SHC3: variants seen among roughly 807,000 people sequenced by gnomAD.
SHC3 encodes the protein SHC-transforming protein 3.
Under a neutral mutation model 60.4 loss-of-function variants are expected in SHC3, and 15 were observed. The observed-to-expected ratio is 0.25, with a 90% CI of 0.17 to 0.38. SHC3 has a LOEUF of 0.38. SHC3 is among the 10% of genes least tolerant of loss of function. The probability of loss-of-function intolerance (pLI) is 1.00; values close to 1 mark genes in which losing one functional copy is unlikely to be tolerated. For synonymous variants in SHC3, 294 were observed against 325.9 expected, an observed-to-expected ratio of 0.90 and a Z score of 1.05; for missense variants, 677 against 786.1, an observed-to-expected ratio of 0.86 and a Z score of 1.66.
chr9:89,040,976 T>C (rs1254245942), intron 10 of SHC3, among the ~76,000 whole-genome samples: 1 of 152,256 alleles, frequency 6.6e-6, no homozygotes, highest in African/African-American at 2.4e-5. Flanking sequence ...TCACAAATGA[T>C]AAAGTTAGTT....
intron 7 of SHC3, among the ~76,000 whole-genome samples, chr9:89,048,849 C>T (rs993172658): frequency 6.6e-6 from 1 of 152,126 alleles, no homozygotes; most frequent in African/African-American, 2.4e-5. Flanking sequence ...CCCGTCACCC[C>T]GCTCTCGGAT....
chr9:89,107,920 A>C (rs1825887568), intron 2 of SHC3, among the ~76,000 whole-genome samples: 1 of 152,222 alleles, frequency 6.6e-6, no homozygotes, highest in African/African-American at 2.4e-5. Context: ...AATCAAGTAC[A>C]TGTACCACAT....
intron 6 of SHC3, among the ~76,000 whole-genome samples, chr9:89,064,636 G>T (rs767946612): frequency 9.3e-4 from 141 of 152,072 alleles, no homozygotes; most frequent in Non-Finnish European, 3.5e-4. Context: ...AAGCTCCCCA[G>T]GCAGTGGCGT....
At chr9:89,115,301 T>A (rs867756653) in intron 1 of SHC3, among the ~76,000 whole-genome samples, 5 of 152,272 alleles carry the variant, frequency 3.3e-5, no homozygotes, top group Middle Eastern at 3.4e-3. Flanking sequence ...TCACAGAATA[T>A]TGTGAATACC....
Position 89,089,642 on chromosome 9 carries a change from G to T in SHC3, c.546-11739C>A, listed in dbSNP as rs142221974. The stretch of plus-strand genomic sequence containing the variant: ...AATTAAAGGAAATAAACTCAGAGGA[G>T]GGTCTTAACTCTTCCCAGAATCACA... On this transcript the variant is annotated intron_variant, in intron 2 of 11. Transcript: ENST00000375835. Among the ~76,000 whole-genome samples the T allele has an allele frequency of 7.2e-5, 11 of 152,324 alleles. No individual in the cohort carries two copies. In the South Asian group the frequency reaches 1.5e-3, roughly 20 times the overall value.
At chr9:89,163,871 C>T (rs189291254) in intron 1 of SHC3, among the ~76,000 whole-genome samples, 12 of 151,456 alleles carry the variant, frequency 7.9e-5, no homozygotes, top group African/African-American at 2.7e-4. Context: ...GGTGAGGGCT[C>T]GCTCACTGGT....
chr9:89,050,150 C>T lies in SHC3; in HGVS notation c.962+1887G>A, dbSNP rs369580124. Among the ~76,000 whole-genome samples the T allele has an allele frequency of 9.8e-5, 15 of 152,292 alleles. No individual in the cohort carries two copies. The East Asian group carries it at 2.7e-3, about 27-fold the overall frequency. On this transcript the variant is annotated intron_variant, in intron 7 of 11. Coordinates refer to ENST00000375835, the MANE Select transcript of SHC3 (RefSeq NM_016848.6). ...ATACAGTTCTTTGTGTATATTGGAA[C>T]ATTTTTATTATAAAATGGTGTAGGG...
At chr9:89,159,481 G>T (rs1037437671) in intron 1 of SHC3, among the ~76,000 whole-genome samples, 1 of 152,228 alleles carries the variant, frequency 6.6e-6, no homozygotes, top group African/African-American at 2.4e-5. Context: ...TAAGGAAGGA[G>T]CTCCGTTCTG....
chr9:89,099,284 A>G (rs911320688), intron 2 of SHC3, among the ~76,000 whole-genome samples: 2 of 152,194 alleles, frequency 1.3e-5, no homozygotes, highest in African/African-American at 4.8e-5. Flanking sequence ...ATCAATTTTT[A>G]TTCTATATCA....
At chr9:89,029,641 G>A (rs9285047) in intron 11 of SHC3, among the ~76,000 whole-genome samples, 57,560 of 151,850 alleles carry the variant, frequency 0.38, 12,909 homozygotes, top group East Asian at 0.97. Flanking sequence ...AGTTTGCCCT[G>A]GAAATTTATT....
intron 6 of SHC3, among the ~76,000 whole-genome samples, chr9:89,063,473 G>A (rs868011045): frequency 3.3e-5 from 5 of 152,270 alleles, no homozygotes; most frequent in Middle Eastern, 3.4e-3. Context: ...AGCTTAGCCC[G>A]GCCTTTCAGA....
intron 6 of SHC3, among the ~76,000 whole-genome samples, chr9:89,059,155 TG>T (rs1196729654): frequency 5.8e-5 from 5 of 86,316 alleles, no homozygotes; most frequent in African/African-American, 1.4e-4. Context: ...TGGTGGAGGA[TG>T]GTGGTGGAGG....
chr9:89,042,134 T>C lies in SHC3; in HGVS notation c.1252A>G (p.Thr418Ala), dbSNP rs773476747. 6.4e-7 allele frequency: 1 copy of C among 1,567,636 alleles called. No individual in the cohort carries two copies. Among genetic ancestry groups the C allele is most frequent in the East Asian group, 2.3e-5 (1 of 43,532 alleles). ...TTGACGTAGGTGGGTGCTTCTCCCGTGGGGGCCACGTGCAGTTTCCCTTCT... is the reference window on the plus strand; with the variant it reads ...TTGACGTAGGTGGGTGCTTCTCCCGCGGGGGCCACGTGCAGTTTCCCTTCT... The part of the protein sequence containing the change: ...TPEGKLHVAP[T>A]GEAPTYVNTQ... Residue 418 changes from threonine (T) to alanine (A), a missense_variant, in exon 10 of 12, where the codon ACG (threonine) becomes GCG (alanine). By Grantham distance (58) the Thr-to-Ala change is moderately conservative. Coordinates refer to ENST00000375835, the MANE Select transcript of SHC3 (RefSeq NM_016848.6).
intron 1 of SHC3, among the ~76,000 whole-genome samples, chr9:89,159,282 C>G (rs964057732): frequency 6.6e-6 from 1 of 152,228 alleles, no homozygotes; most frequent in Non-Finnish European, 1.5e-5. Context: ...GTGGCCAACA[C>G]AGTAACTCAA....
At chr9:89,132,018 T>G (rs1826253660) in intron 1 of SHC3, among the ~76,000 whole-genome samples, 1 of 152,190 alleles carries the variant, frequency 6.6e-6, no homozygotes, top group African/African-American at 2.4e-5. Flanking sequence ...CCCCATCGTC[T>G]CAGCCCAAAA....
chr9:89,099,435 C>G (rs978204403), intron 2 of SHC3, among the ~76,000 whole-genome samples: 1 of 152,156 alleles, frequency 6.6e-6, no homozygotes, highest in Non-Finnish European at 1.5e-5. Flanking sequence ...GAATATCATC[C>G]TCTGAGCCAT....
intron 5 of SHC3, among the ~76,000 whole-genome samples, chr9:89,069,167 G>A (rs1321791970): frequency 6.6e-6 from 1 of 152,142 alleles, no homozygotes; most frequent in Non-Finnish European, 1.5e-5. Flanking sequence ...AAGTTAGCCA[G>A]GCATGGTGGT....
chr9:89,158,313 T>G (rs536861171), intron 1 of SHC3, among the ~76,000 whole-genome samples: 115 of 152,250 alleles, frequency 7.6e-4, no homozygotes, highest in African/African-American at 2.7e-3. Flanking sequence ...ATTTTCTTAT[T>G]GTTTTTCTAT....
intron 10 of SHC3, 41 bp from the exon 11 acceptor site, chr9:89,038,329 G>T: frequency 4.8e-6 from 6 of 1,251,428 alleles, no homozygotes; most frequent in African/African-American, 1.8e-5. Context: ...TCAATCCCAA[G>T]AAGAGCAAAT....
Sources: gnomAD v4.1 joint callset for allele counts (sites outside exome capture counted in the v4.1 genomes callset) on GRCh38, gnomAD v4.1.1 for gene constraint, MANE v1.5 for transcripts, NCBI Gene and HGNC (gene_info 2026-07-23, HGNC 2026-07-21) for gene names.